SCMH1: variants seen among roughly 807,000 people sequenced by gnomAD.
SCMH1 encodes the protein Scm polycomb group protein homolog 1, also known as polycomb protein SCMH1.
SCMH1 carries 37 observed loss-of-function variants against 70.8 expected under a neutral mutation model. The ratio of observed to expected loss-of-function variants is 0.52; its 90% confidence interval spans 0.40 to 0.69. The LOEUF is 0.69. SCMH1 is among the 30% of genes least tolerant of loss of function. SCMH1 has a pLI of 0.00. For missense variants in SCMH1, 607 were observed against 827.3 expected, an observed-to-expected ratio of 0.73 and a Z score of 3.27; for synonymous variants, 292 against 307.4, an observed-to-expected ratio of 0.95 and a Z score of 0.52.
intron 13 of SCMH1, among the ~76,000 whole-genome samples, chr1:41,033,285 T>TA (rs200082441): frequency 0.083 from 11,584 of 139,082 alleles, 547 homozygotes; most frequent in South Asian, 0.13. Flanking sequence ...GAGACACTAT[T>TA]AAAAAAAAAA....
intron 6 of SCMH1, among the ~76,000 whole-genome samples, chr1:41,131,381 A>G (rs1370178756): frequency 6.6e-6 from 1 of 152,140 alleles, no homozygotes; most frequent in East Asian, 1.9e-4. Context: ...TGGGTCCCTT[A>G]TAAGAATTTT....
At chr1:41,172,736 A>C (rs1021848352) in intron 2 of SCMH1, among the ~76,000 whole-genome samples, 2 of 152,198 alleles carry the variant, frequency 1.3e-5, no homozygotes, top group Non-Finnish European at 2.9e-5. Context: ...ATAAGAACAC[A>C]CATATATACC....
At chr1:41,176,188 A>AT (rs1647112733) in intron 2 of SCMH1, among the ~76,000 whole-genome samples, 1 of 123,026 alleles carries the variant, frequency 8.1e-6, no homozygotes, top group South Asian at 2.5e-4. Context: ...ACCAAAAAAA[A>AT]CAAAAAAAAA....
At chr1:41,056,332 A>G (rs1650286841) in intron 10 of SCMH1, among the ~76,000 whole-genome samples, 1 of 152,268 alleles carries the variant, frequency 6.6e-6, no homozygotes, top group Admixed American at 6.5e-5. Context: ...TGTGGCGCAG[A>G]GATGAGCTGT....
At chr1:41,112,147 C>A (rs976154546) in intron 8 of SCMH1, among the ~76,000 whole-genome samples, 5 of 152,020 alleles carry the variant, frequency 3.3e-5, no homozygotes, top group Admixed American at 6.6e-5. Flanking sequence ...TATCTTATTT[C>A]TTGATTTAAA....
intron 8 of SCMH1, among the ~76,000 whole-genome samples, chr1:41,098,089 C>G (rs935958789): frequency 1.3e-5 from 2 of 152,200 alleles, no homozygotes; most frequent in African/African-American, 4.8e-5. Context: ...AGTCTTCCCT[C>G]TTTTTCACCT....
In SCMH1 at chr1:41,126,186, C is replaced by T. The variant is rs1468320788; in HGVS notation, c.413-9176G>A. Among the ~76,000 whole-genome samples, 3 of 152,160 alleles carry T rather than the reference C, an allele frequency of 2.0e-5. No individual in the cohort carries two copies. In the East Asian group the frequency reaches 5.8e-4, roughly 29 times the overall value. ...GTCTCAGATAACCATGCCAAAACCA[C>T]AAACATTATTAAGAAGTCAAAATTT... is the stretch of plus-strand genomic sequence containing the variant. On this transcript the variant is annotated intron_variant, in intron 6 of 14. Transcript: ENST00000337495.
intron 10 of SCMH1, among the ~76,000 whole-genome samples, chr1:41,067,467 A>T (rs1485872049): frequency 6.7e-6 from 1 of 150,048 alleles, no homozygotes; most frequent in Non-Finnish European, 1.5e-5. Flanking sequence ...ACAAAAAAAA[A>T]AAAAAAAAAA....
chr1:41,108,421 A>G (rs1018948336), intron 8 of SCMH1, among the ~76,000 whole-genome samples: 1 of 152,258 alleles, frequency 6.6e-6, no homozygotes, highest in African/African-American at 2.4e-5. Flanking sequence ...GGCTAAAGGT[A>G]TGATTAGCAT....
At chr1:41,189,572 A>C (rs541454008) in intron 1 of SCMH1, among the ~76,000 whole-genome samples, 194 of 152,346 alleles carry the variant, frequency 1.3e-3, no homozygotes, top group Middle Eastern at 3.4e-3. Context: ...CACCAGAAGA[A>C]GGGGGAGGAA....
At chr1:41,216,108 T>G (rs1427672155) in intron 1 of SCMH1, among the ~76,000 whole-genome samples, 1 of 152,176 alleles carries the variant, frequency 6.6e-6, no homozygotes, top group Non-Finnish European at 1.5e-5. Flanking sequence ...ATGAGCTCAG[T>G]AAAAGCAAGA....
At chr1:41,127,427 A>G (rs561491127) in intron 6 of SCMH1, among the ~76,000 whole-genome samples, 4 of 152,064 alleles carry the variant, frequency 2.6e-5, no homozygotes, top group Non-Finnish European at 5.9e-5. Flanking sequence ...TTTATAAAGG[A>G]ATTTGTGTTT....
intron 1 of SCMH1, among the ~76,000 whole-genome samples, chr1:41,239,270 T>C (rs1557898497): frequency 6.6e-6 from 1 of 152,228 alleles, no homozygotes; most frequent in African/African-American, 2.4e-5. Flanking sequence ...ACGCAAGCCA[T>C]TCCTTTTCTC....
At chr1:41,200,198 C>T (rs1231165490) in intron 1 of SCMH1, among the ~76,000 whole-genome samples, 3 of 152,196 alleles carry the variant, frequency 2.0e-5, no homozygotes, top group Admixed American at 2.0e-4. Context: ...ATGCTTGTGG[C>T]CGGGTGCAGT....
intron 10 of SCMH1, among the ~76,000 whole-genome samples, chr1:41,058,942 T>C (rs567732513): frequency 3.1e-4 from 47 of 152,302 alleles, no homozygotes; most frequent in Non-Finnish European, 1.5e-4. Flanking sequence ...AGAGCTAGAC[T>C]TAGATTATAG....
chr1:41,038,593 TA>T (rs1335546119), intron 12 of SCMH1, among the ~76,000 whole-genome samples: 11 of 152,222 alleles, frequency 7.2e-5, no homozygotes, highest in Non-Finnish European at 1.0e-4. Context: ...AATACTTACC[TA>T]AAATTGCTTG....
intron 6 of SCMH1, among the ~76,000 whole-genome samples, chr1:41,137,559 A>G (rs1216331418): frequency 6.6e-6 from 1 of 152,190 alleles, no homozygotes; most frequent in African/African-American, 2.4e-5. Context: ...AGCCTTCATT[A>G]GTACATTTGT....
At chr1:41,199,078 A>C (rs954043336) in intron 1 of SCMH1, among the ~76,000 whole-genome samples, 1 of 152,230 alleles carries the variant, frequency 6.6e-6, no homozygotes, top group Non-Finnish European at 1.5e-5. Context: ...CATTCTGTTA[A>C]AATAAATTTT....
At chr1:41,175,216 G>C (rs1220309953) in intron 2 of SCMH1, among the ~76,000 whole-genome samples, 3 of 152,248 alleles carry the variant, frequency 2.0e-5, no homozygotes, top group African/African-American at 7.2e-5. Context: ...ATCCACTGAG[G>C]GTCCAAATAG....
Sources: gnomAD v4.1 joint callset for allele counts (sites outside exome capture counted in the v4.1 genomes callset) on GRCh38, gnomAD v4.1.1 for gene constraint, MANE v1.5 for transcripts, NCBI Gene and HGNC (gene_info 2026-07-23, HGNC 2026-07-21) for gene names.